Variants in ZNF536 observed in about 807,000 individuals in gnomAD.
ZNF536 encodes zinc finger protein 536.
ZNF536 carries 13 observed loss-of-function variants against 84.5 expected under a neutral mutation model. The ratio of observed to expected loss-of-function variants is 0.15; its 90% CI spans 0.10 to 0.24. The LOEUF (loss-of-function observed/expected upper bound fraction) is 0.24, where lower values mean the gene tolerates loss of function less well. ZNF536 is among the 10% of genes least tolerant of loss of function. The pLI is 1.00. For synonymous variants in ZNF536, 811 were observed against 742.5 expected, an observed-to-expected ratio of 1.09 and a Z score of -1.50; for missense variants, 1,536 against 1,747.5, an observed-to-expected ratio of 0.88 and a Z score of 2.16.
At chr19:30,538,908 G>A (rs564820152) in intron 3 of ZNF536, among the ~76,000 whole-genome samples, 13 of 152,150 alleles carry the variant, frequency 8.5e-5, no homozygotes, top group South Asian at 6.2e-4. Context: ...AAACAGCACC[G>A]ATAGGAAATG....
intron 2 of ZNF536, among the ~76,000 whole-genome samples, chr19:30,477,137 C>A (rs1008429703): frequency 2.6e-5 from 4 of 152,142 alleles, no homozygotes; most frequent in Non-Finnish European, 5.9e-5. Flanking sequence ...CCCTGACCAC[C>A]CATCCAATGT....
chr19:30,325,549 T>C (rs1288326560), intron 2 of ZNF536, among the ~76,000 whole-genome samples: 1 of 152,178 alleles, frequency 6.6e-6, no homozygotes, highest in East Asian at 1.9e-4. Context: ...TGTGAAAGGC[T>C]GAGGGCAGCG....
At chr19:30,388,444 G>T (rs2049438037) in intron 1 of ZNF536, among the ~76,000 whole-genome samples, 1 of 152,192 alleles carries the variant, frequency 6.6e-6, no homozygotes, top group Admixed American at 6.5e-5. Flanking sequence ...ACTTTGTAGG[G>T]TTTATTGCCC....
At chr19:30,652,770 T>A (rs1430915142) in intron 1 of ZNF536, among the ~76,000 whole-genome samples, 1 of 152,194 alleles carries the variant, frequency 6.6e-6, no homozygotes, top group Non-Finnish European at 1.5e-5. Context: ...GTCCTAGTGA[T>A]CTGAGCTGAG....
rs2146224476 is a variant in ZNF536 at position 30,548,892 on chromosome 19, G to A, written c.3273G>A (p.Gln1091=). 1 of 1,614,196 alleles carries A rather than the reference G, an allele frequency of 6.2e-7. No homozygotes were observed. The highest frequency in any genetic ancestry group is 8.5e-7 in the Non-Finnish European group (1 of 1,180,052). The change falls in exon 4 of 5, where the codon CAG becomes CAA. Residue 1091 remains glutamine, a synonymous_variant. Coordinates refer to ENST00000355537, the MANE Select transcript of ZNF536 (RefSeq NM_014717.3). ...QGQLKETLGE[Q]KSGAWTGHVD... is the part of the protein sequence containing the mutation. ...AGCTCAAGGAGACTCTGGGAGAGCA[G>A]AAGAGCGGTGCATGGACCGGCCACG...
intron 3 of ZNF536, among the ~76,000 whole-genome samples, chr19:30,541,600 T>C (rs2045335875): frequency 6.6e-6 from 1 of 152,226 alleles, no homozygotes; most frequent in South Asian, 2.1e-4. Flanking sequence ...CCTTAAAAGT[T>C]GAAGAGGTAA....
At chr19:30,365,454 T>C (rs1338584621) in intron 3 of ZNF536, among the ~76,000 whole-genome samples, 3 of 152,246 alleles carry the variant, frequency 2.0e-5, no homozygotes, top group African/African-American at 7.2e-5. Context: ...CAGTTCTTTC[T>C]AGGAGTATTT....
chr19:30,622,949 T>C (rs918271735), intron 1 of ZNF536, among the ~76,000 whole-genome samples: 1 of 150,572 alleles, frequency 6.6e-6, no homozygotes, highest in Non-Finnish European at 1.5e-5. Flanking sequence ...CTCCTAGAGT[T>C]TTTTTTTTTC....
At chr19:30,614,424 C>G (rs2048208938) in intron 1 of ZNF536, among the ~76,000 whole-genome samples, 1 of 147,882 alleles carries the variant, frequency 6.8e-6, no homozygotes, top group African/African-American at 2.5e-5. Context: ...CATAACTGGC[C>G]ACCTTTAAAG....
chr19:30,631,141 A>G (rs1307872262), intron 1 of ZNF536, among the ~76,000 whole-genome samples: 1 of 152,128 alleles, frequency 6.6e-6, no homozygotes, highest in East Asian at 1.9e-4. Flanking sequence ...GTTCTCCTGT[A>G]GCCCCTCGGA....
intron 2 of ZNF536, among the ~76,000 whole-genome samples, chr19:30,452,044 G>T (rs1668519206): frequency 6.6e-6 from 1 of 152,182 alleles, no homozygotes; most frequent in African/African-American, 2.4e-5. Context: ...GGGTGTGTTG[G>T]GGTGGGAGTT....
intron 1 of ZNF536, among the ~76,000 whole-genome samples, chr19:30,400,231 A>G (rs536934001): frequency 6.6e-6 from 1 of 152,050 alleles, no homozygotes; most frequent in African/African-American, 2.4e-5. Context: ...TTTTTCTAAT[A>G]TAAGGGCTCA....
At chr19:30,371,927 T>C (rs969195284), upstream of ZNF536, among the ~76,000 whole-genome samples, 9 of 152,120 alleles carry the variant, frequency 5.9e-5, no homozygotes, top group African/African-American at 1.4e-4. Flanking sequence ...TTAAGTGTCA[T>C]GAAACTAGAA....
intron 2 of ZNF536, among the ~76,000 whole-genome samples, chr19:30,446,917 C>T (rs1255801118): frequency 6.6e-6 from 1 of 152,154 alleles, no homozygotes; most frequent in Non-Finnish European, 1.5e-5. Context: ...TCCATATTTC[C>T]AAAGCCCCTT....
intron 2 of ZNF536, among the ~76,000 whole-genome samples, chr19:30,526,085 C>T (rs952624016): frequency 2.6e-5 from 4 of 152,206 alleles, no homozygotes; most frequent in Non-Finnish European, 4.4e-5. Flanking sequence ...CTCAGCGACA[C>T]GAATGGTCTC....
At chr19:30,606,550 G>A (rs2047899440) in intron 1 of ZNF536, among the ~76,000 whole-genome samples, 1 of 152,144 alleles carries the variant, frequency 6.6e-6, no homozygotes, top group Non-Finnish European at 1.5e-5. Context: ...CCACCGTTGG[G>A]AGGCCACTTC....
chr19:30,311,678 A>C (rs2146098970), intron 2 of ZNF536, among the ~76,000 whole-genome samples: 1 of 152,026 alleles, frequency 6.6e-6, no homozygotes, highest in Non-Finnish European at 1.5e-5. Context: ...TACCTGCCCA[A>C]CTTAGTTAGC....
intron 1 of ZNF536, among the ~76,000 whole-genome samples, chr19:30,692,014 G>C (rs1399142243): frequency 7.2e-5 from 11 of 152,192 alleles, no homozygotes; most frequent in Admixed American, 7.2e-4. Context: ...GGTCATGGCC[G>C]GGCCTGGGAG....
chr19:30,493,801 G>A (rs1040122475), intron 2 of ZNF536, among the ~76,000 whole-genome samples: 7 of 152,116 alleles, frequency 4.6e-5, no homozygotes, highest in African/African-American at 1.7e-4. Flanking sequence ...GGTTCCTGCG[G>A]GGGCCAGAAA....
Sources: gnomAD v4.1 joint callset for allele counts (sites outside exome capture counted in the v4.1 genomes callset) on GRCh38, gnomAD v4.1.1 for gene constraint, MANE v1.5 for transcripts, NCBI Gene and HGNC (gene_info 2026-07-23, HGNC 2026-07-21) for gene names.